GRIK1: variants seen among roughly 807,000 people sequenced by gnomAD.
The protein encoded by GRIK1 is glutamate ionotropic receptor kainate type subunit 1, also known as glutamate receptor ionotropic, kainate 1.
In GRIK1, 69 loss-of-function variants were observed where a neutral mutation model predicts 105.7. That is an observed-to-expected ratio of 0.65 (90% confidence interval 0.54 to 0.80). GRIK1 has a LOEUF of 0.80. Among genes scored for constraint, GRIK1 ranks in the 30% least tolerant of loss-of-function variants. The pLI, the probability that GRIK1 is intolerant of heterozygous loss-of-function variation, is 0.00. For synonymous variants in GRIK1, 438 were observed against 431.3 expected, an observed-to-expected ratio of 1.02 and a Z score of -0.19; for missense variants, 1,109 against 1,167.3, an observed-to-expected ratio of 0.95 and a Z score of 0.73.
intron 1 of GRIK1, 54 bp from the exon 2 acceptor site, chr21:29,694,117 ATTTTTTTTT>A (rs11434895): frequency 3.9e-3 from 1,699 of 437,090 alleles, no homozygotes; most frequent in Admixed American, 0.016. Context: ...TTCACATGTA[ATTTTTTTTT>A]TTTTTTTTTT....
intron 1 of GRIK1, among the ~76,000 whole-genome samples, chr21:29,886,575 A>T (rs796917345): frequency 6.6e-6 from 1 of 152,110 alleles, no homozygotes; most frequent in Non-Finnish European, 1.5e-5. Flanking sequence ...GGGAATTACA[A>T]CTTCGTACTT....
At chr21:29,642,696 A>G (rs2062536654) in intron 7 of GRIK1, 130 bp downstream of exon 7, 4 of 738,206 alleles carry the variant, frequency 5.4e-6, no homozygotes, top group Non-Finnish European at 8.8e-6. Flanking sequence ...ATCTGAGCAG[A>G]CTGGTTGATG....
At chr21:29,916,039 A>G (rs1022336790) in intron 1 of GRIK1, among the ~76,000 whole-genome samples, 61 of 152,142 alleles carry the variant, frequency 4.0e-4, no homozygotes, top group Admixed American at 3.7e-3. Flanking sequence ...GCCAAGGTGA[A>G]CTACAAATTG....
At chr21:29,851,081 GT>G (rs1482247553) in intron 1 of GRIK1, among the ~76,000 whole-genome samples, 10 of 149,848 alleles carry the variant, frequency 6.7e-5, no homozygotes, top group Admixed American at 6.7e-4. Flanking sequence ...TTGAGATGGA[GT>G]CTCTCTCTGT....
intron 1 of GRIK1, among the ~76,000 whole-genome samples, chr21:29,868,553 T>C (rs1411094311): frequency 6.6e-6 from 1 of 152,120 alleles, no homozygotes; most frequent in Non-Finnish European, 1.5e-5. Context: ...ATCCTGATGA[T>C]ACAATAATGA....
At chr21:29,913,384 A>G (rs1185342212) in intron 1 of GRIK1, among the ~76,000 whole-genome samples, 1 of 152,088 alleles carries the variant, frequency 6.6e-6, no homozygotes, top group African/African-American at 2.4e-5. Flanking sequence ...TTTTACTTAC[A>G]TATACTTATG....
At chr21:29,733,019 A>C (rs1282181774) in intron 1 of GRIK1, among the ~76,000 whole-genome samples, 1 of 152,192 alleles carries the variant, frequency 6.6e-6, no homozygotes, top group African/African-American at 2.4e-5. Context: ...TAATTTATAT[A>C]AAAATATGAG....
intron 7 of GRIK1, among the ~76,000 whole-genome samples, chr21:29,626,432 G>C (rs1174050059): frequency 6.6e-6 from 1 of 152,074 alleles, no homozygotes; most frequent in Non-Finnish European, 1.5e-5. Context: ...CAGGGTGAAC[G>C]GTGTCTTTAT....
At chr21:29,717,021 G>T (rs1265713371) in intron 1 of GRIK1, among the ~76,000 whole-genome samples, 1 of 152,226 alleles carries the variant, frequency 6.6e-6, no homozygotes, top group Non-Finnish European at 1.5e-5. Context: ...GCTAAAAGGG[G>T]CCCAAGTGCA....
Position 29,553,728 on chromosome 21 carries a change from AAAAAT to A in GRIK1, c.2607+1319_2607+1323del, listed in dbSNP as rs745881798. The A allele has an allele frequency of 6.9e-6, 10 of 1,440,050 alleles. No homozygotes were observed. In the African/African-American group the frequency reaches 1.0e-4, roughly 14 times the overall value. 89.2% of individuals were successfully genotyped at this position (1,440,050 alleles called of 1,614,324 possible). ...GCCTTGCATGCAAAAGAAATGAGAA[AAAAAT>A]ATAGAAAAATGAATAAATCAGAAGC... On this transcript the variant is annotated intron_variant, in intron 16 of 17. Coordinates refer to ENST00000327783, the MANE Select transcript of GRIK1 (RefSeq NM_001330994.2).
At chr21:29,541,600 G>T (rs1411675042) in intron 16 of GRIK1, among the ~76,000 whole-genome samples, 1 of 98,870 alleles carries the variant, frequency 1.0e-5, no homozygotes. Flanking sequence ...TTTTTTTGTG[G>T]GAGAGATACA....
intron 1 of GRIK1, among the ~76,000 whole-genome samples, chr21:29,702,028 C>A (rs2063821675): frequency 6.6e-6 from 1 of 152,140 alleles, no homozygotes; most frequent in South Asian, 2.1e-4. Flanking sequence ...TCATCCTTAG[C>A]AAACTGATGC....
chr21:29,770,234 G>C (rs417565), intron 1 of GRIK1, among the ~76,000 whole-genome samples: 107,902 of 152,110 alleles, frequency 0.71, 39,605 homozygotes, highest in Middle Eastern at 0.81. Flanking sequence ...ATTGGAAACA[G>C]ATTGTGTCAC....
chr21:29,555,432 C>T, intron 15 of GRIK1, 130 bp from the exon 16 acceptor site: 1 of 808,320 alleles, frequency 1.2e-6, no homozygotes. Context: ...AATTGACTTG[C>T]AAAGGACAGG....
intron 14 of GRIK1, among the ~76,000 whole-genome samples, chr21:29,563,944 G>T (rs1405002360): frequency 6.6e-6 from 1 of 152,104 alleles, no homozygotes. Context: ...TGCTGATTTG[G>T]GGGAGGTGGA....
At chr21:29,648,933 C>A (rs536578280) in intron 6 of GRIK1, among the ~76,000 whole-genome samples, 8 of 152,306 alleles carry the variant, frequency 5.3e-5, no homozygotes, top group African/African-American at 1.9e-4. Context: ...AACCAAAGGA[C>A]TTTTTATCTT....
intron 1 of GRIK1, among the ~76,000 whole-genome samples, chr21:29,802,681 T>C (rs1409126427): frequency 1.3e-5 from 2 of 152,172 alleles, no homozygotes; most frequent in African/African-American, 2.4e-5. Context: ...CCTCCATGTC[T>C]ATACCAATCA....
chr21:29,546,392 T>G (rs2090050880), intron 16 of GRIK1, among the ~76,000 whole-genome samples: 1 of 152,196 alleles, frequency 6.6e-6, no homozygotes, highest in Non-Finnish European at 1.5e-5. Flanking sequence ...TCTCTACAAG[T>G]CTTATCACCT....
At chr21:29,751,979 A>G (rs920351675) in intron 1 of GRIK1, among the ~76,000 whole-genome samples, 16 of 152,230 alleles carry the variant, frequency 1.1e-4, no homozygotes, top group Non-Finnish European at 7.3e-5. Context: ...GCTTCCAAAT[A>G]TGGTTAGCAT....
Sources: allele counts gnomAD v4.1 joint callset (sites outside exome capture counted in the v4.1 genomes callset), GRCh38; gene constraint gnomAD v4.1.1; transcripts MANE v1.5; gene names NCBI Gene and HGNC (gene_info 2026-07-23, HGNC 2026-07-21).